Variants in EYS observed in about 807,000 individuals in gnomAD.
EYS encodes the protein protein eyes shut homolog.
In EYS, 250 loss-of-function variants were observed where a neutral mutation model predicts 282.1. The ratio of observed to expected loss-of-function variants is 0.89; its 90% CI spans 0.80 to 0.98. The LOEUF (loss-of-function observed/expected upper bound fraction) is 0.98. Ranked by LOEUF, EYS falls within the 50% of genes least tolerant of loss-of-function variation. The pLI is 0.00. For synonymous variants in EYS, 1,355 were observed against 1,282.9 expected (o/e 1.06, Z -1.20); for missense variants, 4,016 against 3,709.0 (o/e 1.08, Z -2.15).
At chr6:64,397,877 A>G (rs1773427833) in intron 28 of EYS, among the ~76,000 whole-genome samples, 2 of 151,988 alleles carry the variant, frequency 1.3e-5, no homozygotes, top group African/African-American at 4.8e-5. Flanking sequence ...TTTTCTAAAC[A>G]TAAATTTAAC....
At chr6:64,310,975 G>C (rs6935740) in intron 29 of EYS, among the ~76,000 whole-genome samples, 1 of 151,698 alleles carries the variant, frequency 6.6e-6, no homozygotes, top group Non-Finnish European at 1.5e-5. Flanking sequence ...TTATTTCAAA[G>C]GTTCTTGTTT....
At position 65,514,237 on chromosome 6, in the gene EYS, G is replaced by T. The variant is rs563502230; in HGVS notation, c.-332-18244C>A. Reference sequence around the variant, plus strand: ...CCTAGGAATCCAACTTACAAGGGACGTGAAGGACCTCTTCAAGGAGAACTA... The same window carrying T: ...CCTAGGAATCCAACTTACAAGGGACTTGAAGGACCTCTTCAAGGAGAACTA... On this transcript the variant is annotated intron_variant, in intron 2 of 42. Coordinates refer to ENST00000503581, the MANE Select transcript of EYS (RefSeq NM_001142800.2). Among the ~76,000 whole-genome samples the T allele has an allele frequency of 2.6e-5, 4 of 152,036 alleles. No individual in the cohort carries two copies. In the East Asian group the frequency reaches 5.8e-4, roughly 22 times the overall value.
intron 33 of EYS, among the ~76,000 whole-genome samples, chr6:64,008,317 G>A (rs1434638455): frequency 2.0e-5 from 3 of 152,052 alleles, no homozygotes; most frequent in Non-Finnish European, 4.4e-5. Flanking sequence ...TCCATTTTCT[G>A]TTTGCTTAGT....
chr6:64,711,186 T>C (rs1771201271), intron 22 of EYS, among the ~76,000 whole-genome samples: 1 of 152,228 alleles, frequency 6.6e-6, no homozygotes, highest in African/African-American at 2.4e-5. Context: ...ATATTTGATT[T>C]ACAAGAAAAT....
chr6:64,183,165 G>C (rs912988655), intron 31 of EYS, among the ~76,000 whole-genome samples: 1 of 152,136 alleles, frequency 6.6e-6, no homozygotes, highest in East Asian at 1.9e-4. Flanking sequence ...ATGTGAAGAA[G>C]GACATGTTTG....
At chr6:64,978,742 G>C (rs1460604044) in intron 14 of EYS, among the ~76,000 whole-genome samples, 1 of 151,868 alleles carries the variant, frequency 6.6e-6, no homozygotes, top group East Asian at 1.9e-4. Context: ...TAAGAGTTTG[G>C]AAGAAGTTTA....
chr6:65,610,524 T>G (rs354389), intron 2 of EYS, among the ~76,000 whole-genome samples: 8,428 of 152,106 alleles, frequency 0.055, 484 homozygotes, highest in East Asian at 0.16. Context: ...AAAGGTGCAT[T>G]TTTTCATTGC....
chr6:64,063,412 T>C (rs1771249607), intron 33 of EYS, among the ~76,000 whole-genome samples: 1 of 152,198 alleles, frequency 6.6e-6, no homozygotes, highest in African/African-American at 2.4e-5. Flanking sequence ...CATAAGGAAA[T>C]GAATATTAGT....
At chr6:65,418,089 T>A (rs1381295894) in intron 5 of EYS, among the ~76,000 whole-genome samples, 1 of 152,008 alleles carries the variant, frequency 6.6e-6, no homozygotes, top group Non-Finnish European at 1.5e-5. Context: ...GGTATAATTT[T>A]TGGAAAAATA....
chr6:64,194,777 A>G lies in EYS; in HGVS notation c.6424+35815T>C, dbSNP rs185839187. ...CTTATTAATTTTACTATTCTAATCT[A>G]TATCCTGAGGTAATTTTTCTAATTG... On this transcript the variant is annotated intron_variant, in intron 31 of 42. Transcript: ENST00000503581. 4.6e-5 allele frequency among the ~76,000 whole-genome samples: 7 copies of G among 152,196 alleles called. No homozygotes were observed. The East Asian group carries it at 5.8e-4, about 13-fold the overall frequency.
At chr6:65,464,197 T>C (rs1764917127) in intron 5 of EYS, among the ~76,000 whole-genome samples, 1 of 152,162 alleles carries the variant, frequency 6.6e-6, no homozygotes, top group Non-Finnish European at 1.5e-5. Flanking sequence ...ATTTTAATTG[T>C]TATTTTGTAC....
intron 9 of EYS, among the ~76,000 whole-genome samples, chr6:65,344,599 A>T (rs1770325884): frequency 6.6e-6 from 1 of 151,658 alleles, no homozygotes; most frequent in Admixed American, 6.6e-5. Flanking sequence ...GAGGAAAACT[A>T]AAATTTTAAG....
intron 28 of EYS, among the ~76,000 whole-genome samples, chr6:64,416,542 G>C (rs1476807969): frequency 1.5e-5 from 2 of 133,140 alleles, no homozygotes; most frequent in African/African-American, 5.5e-5. Flanking sequence ...CTTTTCCTCT[G>C]GTTTGTTTTG....
chr6:65,243,461 A>G (rs1767103525), intron 12 of EYS, among the ~76,000 whole-genome samples: 1 of 152,074 alleles, frequency 6.6e-6, no homozygotes, highest in Non-Finnish European at 1.5e-5. Flanking sequence ...AGCTTTTGTG[A>G]CGCTTTGTTG....
At chr6:64,682,164 A>G (rs1769923028) in intron 22 of EYS, among the ~76,000 whole-genome samples, 1 of 152,122 alleles carries the variant, frequency 6.6e-6, no homozygotes, top group Admixed American at 6.6e-5. Flanking sequence ...GGAGATCGAG[A>G]CCATCCTGGC....
intron 31 of EYS, among the ~76,000 whole-genome samples, chr6:64,151,362 T>TATATATATAA (rs1491484712): frequency 1.8e-5 from 2 of 108,816 alleles, no homozygotes; most frequent in East Asian, 5.1e-4. Flanking sequence ...TATATATATA[T>TATATATATAA]AATTTTTTTT....
intron 36 of EYS, among the ~76,000 whole-genome samples, chr6:63,826,845 C>CAAAAAAAAAAAAAAAAAATAAAAAA (rs1771475758): frequency 1.3e-5 from 1 of 76,762 alleles, no homozygotes; most frequent in African/African-American, 5.1e-5. Context: ...AGTTAAAAAG[C>CAAAAAAAAAAAAAAAAAATAAAAAA]AAAAAAAAAA....
chr6:65,613,120 T>C (rs986310525), intron 2 of EYS, among the ~76,000 whole-genome samples: 1 of 151,858 alleles, frequency 6.6e-6, no homozygotes, highest in African/African-American at 2.4e-5. Context: ...ATTGCACAGA[T>C]ATACACGTCT....
intron 12 of EYS, among the ~76,000 whole-genome samples, chr6:65,142,479 A>AACAC (rs71268364): frequency 0.098 from 13,183 of 134,834 alleles, 683 homozygotes; most frequent in African/African-American, 0.13. Context: ...AGAAATACAA[A>AACAC]ACACACACAC....
Sources: allele counts gnomAD v4.1 joint callset (sites outside exome capture counted in the v4.1 genomes callset), GRCh38; gene constraint gnomAD v4.1.1; transcripts MANE v1.5; gene names NCBI Gene and HGNC (gene_info 2026-07-23, HGNC 2026-07-21).